Variants in CCDC7 observed in about 807,000 individuals in gnomAD.
CCDC7 encodes the protein coiled-coil domain-containing protein 7.
In CCDC7, 183 loss-of-function variants were observed where a neutral mutation model predicts 196.9. That is an observed-to-expected ratio of 0.93 (90% CI 0.82 to 1.05). The LOEUF (loss-of-function observed/expected upper bound fraction) is 1.05. Among genes scored for constraint, CCDC7 ranks in the 50% least tolerant of loss-of-function variants. The pLI is 0.00. For missense variants in CCDC7, 1,540 were observed against 1,482.2 expected (o/e 1.04, Z -0.64); for synonymous variants, 525 against 484.6 (o/e 1.08, Z -1.10).
chr10:32,566,823 G>A (rs2056864213), intron 14 of CCDC7, among the ~76,000 whole-genome samples: 1 of 149,374 alleles, frequency 6.7e-6, no homozygotes, highest in Non-Finnish European at 1.5e-5. Context: ...GAGGTGGGGG[G>A]ATAACTTAAG....
intron 25 of CCDC7, among the ~76,000 whole-genome samples, chr10:32,719,834 A>G (rs1243762284): frequency 2.6e-5 from 4 of 152,182 alleles, no homozygotes; most frequent in Non-Finnish European, 5.9e-5. Context: ...ATCTCACATC[A>G]ATTAGAATGG....
chr10:32,666,083 AAT>A (rs1206611062), intron 21 of CCDC7, among the ~76,000 whole-genome samples: 1 of 149,896 alleles, frequency 6.7e-6, no homozygotes, highest in African/African-American at 2.4e-5. Flanking sequence ...CATTTGGTCT[AAT>A]AGTTTTTTGG....
chr10:32,632,078 T>C (rs1312595443), intron 18 of CCDC7, among the ~76,000 whole-genome samples: 2 of 145,452 alleles, frequency 1.4e-5, no homozygotes, highest in African/African-American at 5.0e-5. Flanking sequence ...TTATAAAACA[T>C]TTGTAAGTTG....
chr10:32,599,346 T>C (rs1165287522), intron 18 of CCDC7, among the ~76,000 whole-genome samples: 1 of 152,198 alleles, frequency 6.6e-6, no homozygotes, highest in Admixed American at 6.5e-5. Flanking sequence ...GGGTCATGTA[T>C]GTATGTATGT....
At chr10:32,538,122 G>A (rs1315755517) in intron 11 of CCDC7, among the ~76,000 whole-genome samples, 1 of 152,148 alleles carries the variant, frequency 6.6e-6, no homozygotes, top group Admixed American at 6.5e-5. Context: ...CCCTATCCAT[G>A]AGCATGGAAT....
At chr10:32,775,289 G>A (rs912863416) in intron 28 of CCDC7, among the ~76,000 whole-genome samples, 1 of 152,120 alleles carries the variant, frequency 6.6e-6, no homozygotes, top group African/African-American at 2.4e-5. Context: ...GTATCAGAGG[G>A]CTATGGAAAT....
intron 22 of CCDC7, 62 bp from the exon 24 acceptor site, chr10:32,688,991 A>T (rs527731906): frequency 9.2e-7 from 1 of 1,086,092 alleles, no homozygotes; most frequent in African/African-American, 1.6e-5. Context: ...TAAATTTGAA[A>T]TCTACAGATT....
chr10:32,698,040 C>T (rs112956089), intron 24 of CCDC7, among the ~76,000 whole-genome samples: 8,101 of 152,216 alleles, frequency 0.053, 720 homozygotes, highest in African/African-American at 0.18. Flanking sequence ...CTGCAGCCTC[C>T]GCTGGTGATA....
chr10:32,709,434 C>T (rs185204646), intron 24 of CCDC7, among the ~76,000 whole-genome samples: 2 of 151,758 alleles, frequency 1.3e-5, no homozygotes, highest in African/African-American at 2.4e-5. Context: ...TAATCCTGCA[C>T]GTTATGCACA....
intron 9 of CCDC7, among the ~76,000 whole-genome samples, chr10:32,493,064 A>G (rs999433173): frequency 3.0e-4 from 46 of 152,164 alleles, no homozygotes; most frequent in African/African-American, 1.1e-3. Flanking sequence ...ATCCTCACAT[A>G]CATATCTTTT....
At chr10:32,661,807 T>G (rs1031031907) in intron 20 of CCDC7, among the ~76,000 whole-genome samples, 1 of 152,122 alleles carries the variant, frequency 6.6e-6, no homozygotes, top group African/African-American at 2.4e-5. Context: ...AAGAAGGTCT[T>G]TTTTGGAGCT....
At chr10:32,855,822 C>T (rs374097163) in intron 41 of CCDC7, among the ~76,000 whole-genome samples, 75 of 152,248 alleles carry the variant, frequency 4.9e-4, no homozygotes, top group African/African-American at 1.7e-3. Context: ...TTCATAATTT[C>T]GAAGCTTACT....
intron 31 of CCDC7, 143 bp from the exon 33 acceptor site, chr10:32,824,375 T>C: frequency 8.3e-6 from 4 of 483,194 alleles, no homozygotes; most frequent in Admixed American, 3.5e-5. Flanking sequence ...CAATTTGAAT[T>C]CCTATGTTGC....
chr10:32,590,852 T>G (rs1361811819), intron 18 of CCDC7, among the ~76,000 whole-genome samples: 3 of 152,168 alleles, frequency 2.0e-5, no homozygotes, highest in African/African-American at 4.8e-5. Context: ...TGCTGCCAGA[T>G]GTATTGGAGC....
chr10:32,644,221 TCTAG>T (rs2067356576), intron 20 of CCDC7, among the ~76,000 whole-genome samples: 1 of 152,154 alleles, frequency 6.6e-6, no homozygotes, highest in African/African-American at 2.4e-5. Context: ...AATCTTCTTG[TCTAG>T]CTATCTTGAA....
At chr10:32,806,578 C>G (rs1020704560) in intron 30 of CCDC7, among the ~76,000 whole-genome samples, 24 of 152,046 alleles carry the variant, frequency 1.6e-4, no homozygotes, top group Non-Finnish European at 3.1e-4. Context: ...ATGGAAATTA[C>G]AGTGTTAAAA....
chr10:32,664,415 C>T (rs374353404), intron 21 of CCDC7, among the ~76,000 whole-genome samples: 1 of 151,962 alleles, frequency 6.6e-6, no homozygotes, highest in South Asian at 2.1e-4. Context: ...TTATTATTAA[C>T]AGTACTCATG....
chr10:32,644,362 C>A (rs528431640), intron 20 of CCDC7, among the ~76,000 whole-genome samples: 3 of 152,266 alleles, frequency 2.0e-5, no homozygotes, highest in Admixed American at 6.5e-5. Context: ...TCCCCCAACC[C>A]CTCCACAGCC....
chr10:32,554,591 C>A (rs1373398076), intron 13 of CCDC7, among the ~76,000 whole-genome samples: 1 of 152,318 alleles, frequency 6.6e-6, no homozygotes, highest in South Asian at 2.1e-4. Context: ...TTCTGTTTCT[C>A]CAGTGGAGAG....
Sources: allele counts gnomAD v4.1 joint callset (sites outside exome capture counted in the v4.1 genomes callset), GRCh38; gene constraint gnomAD v4.1.1; transcripts MANE v1.5; gene names NCBI Gene and HGNC (gene_info 2026-07-23, HGNC 2026-07-21).